Variants in GSK3B observed in about 807,000 individuals in gnomAD.
GSK3B encodes the protein glycogen synthase kinase-3 beta.
Under a neutral mutation model 56.4 loss-of-function variants are expected in GSK3B, and 15 were observed. The observed-to-expected ratio is 0.27, with a 90% CI of 0.18 to 0.41. The LOEUF (loss-of-function observed/expected upper bound fraction) is 0.41. Among genes scored for constraint, GSK3B ranks in the 10% least tolerant of loss-of-function variants. The pLI, the probability that GSK3B is intolerant of heterozygous loss-of-function variation, is 1.00. For missense variants in GSK3B, 300 were observed against 513.4 expected (o/e 0.58, Z 4.02); for synonymous variants, 181 against 188.9 (o/e 0.96, Z 0.34).
At chr3:120,000,918 CT>C (rs71156781) in intron 2 of GSK3B, among the ~76,000 whole-genome samples, 3,986 of 91,112 alleles carry the variant, frequency 0.044, 12 homozygotes, top group Non-Finnish European at 0.06. Context: ...ATGTAATCTC[CT>C]TTTTTTTTTT....
chr3:120,028,529 C>T (rs911472725), intron 1 of GSK3B, among the ~76,000 whole-genome samples: 2 of 152,200 alleles, frequency 1.3e-5, no homozygotes, highest in Non-Finnish European at 2.9e-5. Context: ...ACTCTCATGC[C>T]CCTACTACTC....
chr3:119,940,158 GTATA>G (rs1051255510), intron 3 of GSK3B, among the ~76,000 whole-genome samples: 1 of 150,986 alleles, frequency 6.6e-6, no homozygotes, highest in Admixed American at 6.6e-5. Flanking sequence ...TATAACACAA[GTATA>G]TATATAAAAA....
At chr3:120,052,581 C>T (rs992601067) in intron 1 of GSK3B, among the ~76,000 whole-genome samples, 1 of 152,186 alleles carries the variant, frequency 6.6e-6, no homozygotes, top group Non-Finnish European at 1.5e-5. Context: ...CTTCCCTAAA[C>T]CACTGTTAAC....
At chr3:120,039,481 C>T (rs908464933) in intron 1 of GSK3B, among the ~76,000 whole-genome samples, 9 of 152,120 alleles carry the variant, frequency 5.9e-5, no homozygotes, top group African/African-American at 2.2e-4. Context: ...TGCCTCCTTG[C>T]CTCTAGTTAC....
intron 2 of GSK3B, among the ~76,000 whole-genome samples, chr3:119,989,218 A>T (rs757798901): frequency 1.1e-4 from 16 of 152,200 alleles, no homozygotes; most frequent in Non-Finnish European, 2.4e-4. Context: ...GAATCCACGG[A>T]ACCCAGGGTA....
chr3:119,983,713 C>T (rs1403618916), intron 2 of GSK3B, among the ~76,000 whole-genome samples: 1 of 152,078 alleles, frequency 6.6e-6, no homozygotes, highest in Non-Finnish European at 1.5e-5. Flanking sequence ...TAAAGCAAGT[C>T]CTTGGAGACC....
chr3:120,001,209 CAGTT>C (rs2057673618), intron 2 of GSK3B, among the ~76,000 whole-genome samples: 1 of 151,928 alleles, frequency 6.6e-6, no homozygotes, highest in African/African-American at 2.4e-5. Context: ...AGTTCCCACT[CAGTT>C]AGTTCACAGG....
At chr3:119,999,428 G>A (rs889097726) in intron 2 of GSK3B, among the ~76,000 whole-genome samples, 1 of 152,104 alleles carries the variant, frequency 6.6e-6, no homozygotes, top group Non-Finnish European at 1.5e-5. Context: ...TTGTACTTAG[G>A]TTTCCTTATC....
chr3:119,922,590 C>T (rs2056854223), intron 4 of GSK3B, among the ~76,000 whole-genome samples: 1 of 150,370 alleles, frequency 6.7e-6, no homozygotes, highest in Non-Finnish European at 1.5e-5. Flanking sequence ...AATGGTTCTA[C>T]TTTGATAACC....
At position 119,930,080 on chromosome 3, in the gene GSK3B, TACACACACAC is replaced by T. The variant is rs71619762; in HGVS notation, c.367-6607_367-6598del. Reference sequence around the variant, plus strand: ...GACGACACAGTGAGATTCTGTCTCCTACACACACACACACACACACACACACACACACACA... The same window carrying T: ...GACGACACAGTGAGATTCTGTCTCCTACACACACACACACACACACACACA... On this transcript the variant is annotated intron_variant, in intron 3 of 10. Coordinates refer to ENST00000264235, the MANE Select transcript of GSK3B (RefSeq NM_001146156.2). Among the ~76,000 whole-genome samples the T allele has an allele frequency of 5.5e-4, 73 of 133,588 alleles. 1 individual carries two copies. Among genetic ancestry groups the T allele is most frequent in the South Asian group, 3.0e-3 (12 of 4,060 alleles). 87.6% of individuals were successfully genotyped at this position (133,588 alleles called of 152,430 possible). A position where few individuals can be genotyped will look rare whatever the true frequency, so the allele number is the denominator to read the frequency against.
chr3:119,910,780 A>G (rs773735348), intron 6 of GSK3B, among the ~76,000 whole-genome samples: 2 of 152,188 alleles, frequency 1.3e-5, no homozygotes, highest in Admixed American at 1.3e-4. Context: ...ATCAACTACA[A>G]TTATGTAATA....
At chr3:119,835,452 TG>T (rs2055676179) in intron 10 of GSK3B, among the ~76,000 whole-genome samples, 1 of 152,192 alleles carries the variant, frequency 6.6e-6, no homozygotes, top group African/African-American at 2.4e-5. Context: ...AAATTAACTA[TG>T]GTATAGCCTT....
intron 1 of GSK3B, among the ~76,000 whole-genome samples, chr3:120,039,382 T>G (rs1472043871): frequency 6.6e-6 from 1 of 152,236 alleles, no homozygotes; most frequent in Non-Finnish European, 1.5e-5. Flanking sequence ...GTCTGTAAGA[T>G]ACAATGAATT....
In GSK3B at chr3:119,876,401, A is replaced by T; in HGVS notation, c.909+12T>A. 6.9e-7 allele frequency: 1 copy of T among 1,448,010 alleles called. No homozygotes were observed. The highest frequency in any genetic ancestry group is 9.7e-7 in the Non-Finnish European group (1 of 1,031,402). 89.7% of individuals were successfully genotyped at this position (1,448,010 alleles called of 1,614,324 possible). On this transcript the variant is annotated intron_variant, in intron 8 of 10. Transcript: ENST00000264235. ...CTACTGATTAATATACTTAAAAAAA[A>T]ATCTAACTCACCTTAGTCCAAGGAT...
chr3:120,050,741 G>A (rs1479926951), intron 1 of GSK3B, among the ~76,000 whole-genome samples: 3 of 152,172 alleles, frequency 2.0e-5, no homozygotes, highest in Admixed American at 1.3e-4. Flanking sequence ...AAGTAGCTGT[G>A]GAACATGTAG....
At chr3:119,850,054 T>G (rs556136895) in intron 9 of GSK3B, among the ~76,000 whole-genome samples, 1 of 49,434 alleles carries the variant, frequency 2.0e-5, no homozygotes, top group South Asian at 8.1e-4. Flanking sequence ...TCTATAGATG[T>G]ATGTATGTAT....
chr3:119,860,331 C>A (rs957671437), intron 9 of GSK3B, among the ~76,000 whole-genome samples: 1 of 152,038 alleles, frequency 6.6e-6, no homozygotes, highest in South Asian at 2.1e-4. Context: ...AGGGGGTGTG[C>A]CAAAGGTTTA....
At chr3:119,879,530 G>A (rs990560362) in intron 7 of GSK3B, among the ~76,000 whole-genome samples, 1 of 151,782 alleles carries the variant, frequency 6.6e-6, no homozygotes, top group Non-Finnish European at 1.5e-5. Flanking sequence ...GGTATTTTTC[G>A]ATATTTAATT....
At chr3:119,954,955 T>C (rs978010271) in intron 2 of GSK3B, among the ~76,000 whole-genome samples, 5 of 152,170 alleles carry the variant, frequency 3.3e-5, no homozygotes, top group Admixed American at 6.5e-5. Context: ...ATGGGCAGCA[T>C]GTGGTTATCA....
Sources: allele counts gnomAD v4.1 joint callset (sites outside exome capture counted in the v4.1 genomes callset), GRCh38; gene constraint gnomAD v4.1.1; transcripts MANE v1.5; gene names NCBI Gene and HGNC (gene_info 2026-07-23, HGNC 2026-07-21).